NCAM2: variants seen among roughly 807,000 people sequenced by gnomAD.
The protein encoded by NCAM2 is neural cell adhesion molecule 2.
A neutral mutation model predicts 98.1 loss-of-function variants in NCAM2; 30 were observed. That is an observed-to-expected ratio of 0.31 (90% CI 0.23 to 0.41). The LOEUF (loss-of-function observed/expected upper bound fraction) is 0.41. Ranked by LOEUF, NCAM2 falls within the 10% of genes least tolerant of loss-of-function variation. The pLI is 1.00. For synonymous variants in NCAM2, 368 were observed against 342.4 expected, an observed-to-expected ratio of 1.07 and a Z score of -0.83; for missense variants, 867 against 1,005.8, an observed-to-expected ratio of 0.86 and a Z score of 1.87.
At chr21:21,317,687 C>T (rs748468727) in intron 5 of NCAM2, among the ~76,000 whole-genome samples, 4 of 152,010 alleles carry the variant, frequency 2.6e-5, no homozygotes, top group Non-Finnish European at 5.9e-5. Flanking sequence ...CACACACCAT[C>T]CTATCCTGCT....
intron 1 of NCAM2, chr21:21,210,674 A>G (rs2069617156): frequency 2.4e-6 from 3 of 1,272,230 alleles, no homozygotes; most frequent in Non-Finnish European, 3.1e-6. Flanking sequence ...GGGCAACCAG[A>G]GACTTATTAC....
intron 1 of NCAM2, among the ~76,000 whole-genome samples, chr21:21,265,104 T>TGTG (rs2072151561): frequency 8.3e-5 from 4 of 47,976 alleles, no homozygotes; most frequent in African/African-American, 2.7e-4. Flanking sequence ...TATACATATA[T>TGTG]AATATATATA....
chr21:21,519,766 T>C (rs1023440500), intron 16 of NCAM2, among the ~76,000 whole-genome samples: 4 of 152,122 alleles, frequency 2.6e-5, no homozygotes, highest in Admixed American at 2.0e-4. Context: ...GAAAAAGATA[T>C]AAAATCTTAA....
intron 10 of NCAM2, among the ~76,000 whole-genome samples, chr21:21,414,033 C>T (rs909804541): frequency 2.6e-5 from 4 of 152,190 alleles, no homozygotes; most frequent in South Asian, 2.1e-4. Context: ...TATTCTAAAT[C>T]TTTGGTTATC....
chr21:21,507,482 A>C, intron 15 of NCAM2, among the ~76,000 whole-genome samples: 1 of 152,278 alleles, frequency 6.6e-6, no homozygotes, highest in Non-Finnish European at 1.5e-5. Flanking sequence ...TGAGTAATAA[A>C]TGCATTTTGT....
chr21:21,518,803 T>C (rs544197931), intron 16 of NCAM2, among the ~76,000 whole-genome samples: 55 of 152,202 alleles, frequency 3.6e-4, no homozygotes, highest in Non-Finnish European at 6.0e-4. Context: ...AAGCAAACAA[T>C]AATTTTGTTC....
chr21:21,080,480 G>C (rs572628501), intron 1 of NCAM2, among the ~76,000 whole-genome samples: 5 of 151,790 alleles, frequency 3.3e-5, no homozygotes, highest in South Asian at 4.2e-4. Context: ...TTCAGGTGTG[G>C]TGACACATGT....
intron 1 of NCAM2, among the ~76,000 whole-genome samples, chr21:21,070,071 C>G (rs937473912): frequency 2.6e-5 from 4 of 151,900 alleles, no homozygotes; most frequent in Admixed American, 1.3e-4. Flanking sequence ...TTTCAACCTA[C>G]AAAATAAATA....
intron 8 of NCAM2, among the ~76,000 whole-genome samples, chr21:21,366,401 T>C (rs1371862497): frequency 6.6e-6 from 1 of 152,062 alleles, no homozygotes; most frequent in Non-Finnish European, 1.5e-5. Context: ...TTTAACAATA[T>C]TTATCATGTA....
chr21:21,001,545 C>A (rs1486028484), intron 1 of NCAM2, among the ~76,000 whole-genome samples: 1 of 152,140 alleles, frequency 6.6e-6, no homozygotes, highest in Non-Finnish European at 1.5e-5. Context: ...CTGTTTGGAT[C>A]TTTGTATATT....
At chr21:21,332,679 C>T (rs1231545214) in intron 6 of NCAM2, among the ~76,000 whole-genome samples, 2 of 152,100 alleles carry the variant, frequency 1.3e-5, no homozygotes, top group East Asian at 3.9e-4. Context: ...CTAACCTGCA[C>T]CTTCTGTCGC....
chr21:21,208,854 TC>T (rs2069540354), intron 1 of NCAM2, among the ~76,000 whole-genome samples: 2 of 152,156 alleles, frequency 1.3e-5, no homozygotes, highest in African/African-American at 4.8e-5. Context: ...CCTAAAATTA[TC>T]TTATATTTAT....
intron 1 of NCAM2, among the ~76,000 whole-genome samples, chr21:21,024,507 A>G (rs547378805): frequency 2.6e-5 from 4 of 152,372 alleles, no homozygotes; most frequent in South Asian, 2.1e-4. Flanking sequence ...AATGACTTCA[A>G]TTATCCACAG....
At chr21:21,481,924 C>A (rs533521440) in intron 15 of NCAM2, among the ~76,000 whole-genome samples, 1 of 152,156 alleles carries the variant, frequency 6.6e-6, no homozygotes, top group South Asian at 2.1e-4. Flanking sequence ...ATAGTGAAAC[C>A]CTGTCTCTTC....
At chr21:21,372,026 A>G (rs1196578838) in intron 8 of NCAM2, among the ~76,000 whole-genome samples, 1 of 151,810 alleles carries the variant, frequency 6.6e-6, no homozygotes. Flanking sequence ...AATACTGGCC[A>G]CCTCAAATGT....
Position 21,387,664 on chromosome 21 carries a change from A to G in NCAM2, c.1195+13651A>G, listed in dbSNP as rs59937932. On this transcript the variant is annotated intron_variant, in intron 9 of 17. Coordinates refer to ENST00000400546, the MANE Select transcript of NCAM2 (RefSeq NM_004540.5). ...TCCCATTTTGTAAAGTGAAAGAGAC[A>G]TATCTATGAATTAAGGCATACTGAG... Among the ~76,000 whole-genome samples the G allele has an allele frequency of 9.9e-3, 1,510 of 152,308 alleles. 30 individuals carry two copies. The highest frequency in any genetic ancestry group is 0.035 in the African/African-American group (1,434 of 41,554).
intron 1 of NCAM2, among the ~76,000 whole-genome samples, chr21:21,082,885 C>T (rs2065837679): frequency 1.3e-5 from 2 of 152,170 alleles, no homozygotes; most frequent in African/African-American, 4.8e-5. Flanking sequence ...CTCTGCGGGA[C>T]ACCTATGTAA....
chr21:21,043,850 CAA>C (rs72473034), intron 1 of NCAM2, among the ~76,000 whole-genome samples: 5 of 119,952 alleles, frequency 4.2e-5, no homozygotes, highest in Admixed American at 9.2e-5. Flanking sequence ...GAGACTCCGT[CAA>C]AAAAAAAAAA....
In NCAM2 at chr21:21,286,340, C is replaced by T. The variant is rs1454498622; in HGVS notation, c.409C>T (p.Arg137Ter). The change falls in exon 4 of 18, where the codon CGA becomes TGA. Residue 137 changes from arginine to a stop codon, truncating the protein, a stop_gained. Transcript: ENST00000400546. LOFTEE classifies it high-confidence loss of function. ...KQGEDAEVVC[R>*]VSSSPAPAVS... Reference sequence around the variant, plus strand: ...AGGAGAAGATGCAGAAGTGGTTTGCCGAGTTAGCAGTTCACCTGCACCTGC... The same window carrying T: ...AGGAGAAGATGCAGAAGTGGTTTGCTGAGTTAGCAGTTCACCTGCACCTGC... 1.9e-6 allele frequency: 3 copies of T among 1,612,052 alleles called. No individual in the cohort carries two copies. Among genetic ancestry groups the T allele is most frequent in the Non-Finnish European group, 8.5e-7 (1 of 1,178,980 alleles).
Sources: allele counts gnomAD v4.1 joint callset (sites outside exome capture counted in the v4.1 genomes callset), GRCh38; gene constraint gnomAD v4.1.1; transcripts MANE v1.5; gene names NCBI Gene and HGNC (gene_info 2026-07-23, HGNC 2026-07-21).